LIN9: variants seen among roughly 807,000 people sequenced by gnomAD.
LIN9 encodes lin-9 DREAM MuvB core complex component.
In LIN9, 18 loss-of-function variants were observed where a neutral mutation model predicts 78.0. The ratio of observed to expected loss-of-function variants is 0.23; its 90% CI spans 0.16 to 0.34. The LOEUF (loss-of-function observed/expected upper bound fraction) is 0.34. Among genes scored for constraint, LIN9 ranks in the 10% least tolerant of loss-of-function variants. LIN9 has a pLI of 1.00. For synonymous variants in LIN9, 192 were observed against 215.2 expected, an observed-to-expected ratio of 0.89 and a Z score of 0.94; for missense variants, 451 against 644.1, an observed-to-expected ratio of 0.70 and a Z score of 3.25.
rs371117360 is a variant in LIN9 at position 226,255,744 on chromosome 1, CT to C, written c.1039-4826del. Among the ~76,000 whole-genome samples, 4 of 151,772 alleles carry C rather than the reference CT, an allele frequency of 2.6e-5. No homozygotes were observed. In the South Asian group the frequency reaches 6.2e-4, roughly 24 times the overall value. Reference sequence around the variant, plus strand: ...GCTTGAGGATATATTATTTATTTTTCTTTTTTTTCTTCCACAACAGTTATCT... The same window carrying C: ...GCTTGAGGATATATTATTTATTTTTCTTTTTTTCTTCCACAACAGTTATCT... On this transcript the variant is annotated intron_variant, in intron 10 of 14. Transcript: ENST00000681046.
At chr1:226,301,149 A>G in intron 2 of LIN9, 24 bp downstream of exon 2, 1 of 1,573,200 alleles carries the variant, frequency 6.4e-7, no homozygotes. Context: ...GCTATGGTAT[A>G]CCTAAAAATG....
chr1:226,309,119 C>G lies in LIN9; in HGVS notation c.21G>C (p.Leu7Phe), dbSNP rs200253990. Residue 7 changes from leucine to phenylalanine, a missense_variant, in exon 1 of 15, where the codon TTG becomes TTC. Transcript: ENST00000681046. ...TGAGGTGCTACTCACTCTCGTCAGG[C>G]AACTGGTCGAGCTCCGCCATCTTGA... MAELDQ[L>F]PDESSSAKAL... The G allele has an allele frequency of 3.0e-6, 4 of 1,340,218 alleles. No individual in the cohort carries two copies. The highest frequency in any genetic ancestry group is 2.9e-6 in the Non-Finnish European group (3 of 1,033,346). 83.0% of individuals were successfully genotyped at this position (1,340,218 alleles called of 1,614,324 possible). A position where few individuals can be genotyped will look rare whatever the true frequency, so the allele number is the denominator to read the frequency against.
rs929383767 is a variant in LIN9 at position 226,297,362 on chromosome 1, CT to C, written c.159+356del. On this transcript the variant is annotated intron_variant, in intron 3 of 14. Coordinates refer to ENST00000681046, the MANE Select transcript of LIN9 (RefSeq NM_001366245.2). ...TTACCTTTGAGCTACACAATGATTT[CT>C]TTTTTTTTCTTTTTGTCTATACAAG... Among the ~76,000 whole-genome samples the C allele has an allele frequency of 6.8e-4, 103 of 151,538 alleles. 1 individual carries two copies. The highest frequency in any genetic ancestry group is 8.3e-4 in the South Asian group (4 of 4,800).
intron 2 of LIN9, among the ~76,000 whole-genome samples, chr1:226,300,855 AAAAC>A (rs369181992): frequency 2.0e-5 from 3 of 152,166 alleles, no homozygotes; most frequent in Non-Finnish European, 2.9e-5. Context: ...GACTGTCTCA[AAAAC>A]AAACAAACAA....
chr1:226,252,485 G>A (rs1438135618), intron 10 of LIN9, among the ~76,000 whole-genome samples: 4 of 151,872 alleles, frequency 2.6e-5, no homozygotes, highest in Admixed American at 2.6e-4. Flanking sequence ...ATCCCACAAG[G>A]ATTTAGTCAA....
intron 6 of LIN9, among the ~76,000 whole-genome samples, chr1:226,279,155 C>T (rs529626050): frequency 4.0e-5 from 6 of 151,006 alleles, no homozygotes; most frequent in East Asian, 2.0e-4. Context: ...AGCGAGACTC[C>T]GTCTTGGGGG....
intron 12 of LIN9, among the ~76,000 whole-genome samples, chr1:226,237,997 T>G (rs1657844295): frequency 6.6e-6 from 1 of 151,984 alleles, no homozygotes; most frequent in Admixed American, 6.6e-5. Flanking sequence ...AGAGGTGGCT[T>G]TCCTGGAAAC....
At chr1:226,269,869 T>C (rs180761711) in intron 7 of LIN9, among the ~76,000 whole-genome samples, 1,796 of 152,290 alleles carry the variant, frequency 0.012, 18 homozygotes, top group Non-Finnish European at 0.018. Context: ...GTGAGGCTTT[T>C]CCCGATCAAG....
chr1:226,304,872 A>G (rs920012650), intron 1 of LIN9, among the ~76,000 whole-genome samples: 3 of 152,194 alleles, frequency 2.0e-5, no homozygotes, highest in Non-Finnish European at 4.4e-5. Flanking sequence ...AGCTGCCACT[A>G]GGAAGTTACA....
In LIN9 at chr1:226,232,283, G is replaced by A; in HGVS notation, c.*218C>T. ...GTGAATATAAACATATGTAACATAA[G>A]CAATGCTACTGCATCTGAATAATAA... is the stretch of plus-strand genomic sequence containing the variant. On this transcript the variant is annotated 3_prime_UTR_variant, in exon 15 of 15. Transcript: ENST00000681046. 2.5e-6 allele frequency: 1 copy of A among 407,856 alleles called. No homozygotes were observed. The allele number at this position is 407,856 out of a possible 1,614,324, so 25.3% of individuals were successfully genotyped here. A position where few individuals can be genotyped will look rare whatever the true frequency, so the allele number is the denominator to read the frequency against.
intron 7 of LIN9, among the ~76,000 whole-genome samples, chr1:226,274,439 A>G (rs1259413931): frequency 2.0e-5 from 3 of 151,978 alleles, no homozygotes; most frequent in Non-Finnish European, 2.9e-5. Flanking sequence ...GATTTTCTGT[A>G]TTGTGTCTAA....
chr1:226,259,465 T>C (rs1439045437), intron 10 of LIN9, among the ~76,000 whole-genome samples: 1 of 152,268 alleles, frequency 6.6e-6, no homozygotes, highest in South Asian at 2.1e-4. Context: ...TTGGTATCTA[T>C]AGACTACTTC....
rs539393897 is a variant in LIN9, at chr1:226,240,662, T to A, written c.1120-1566A>T. On this transcript the variant is annotated intron_variant, in intron 11 of 14. Coordinates refer to ENST00000681046, the MANE Select transcript of LIN9 (RefSeq NM_001366245.2). ...CCTTGGCCTCCCTAAGTGCTGGGATTACAGGTGTGAGCCACCGCGCCTGGC... is the reference window on the plus strand; with the variant it reads ...CCTTGGCCTCCCTAAGTGCTGGGATAACAGGTGTGAGCCACCGCGCCTGGC... Among the ~76,000 whole-genome samples, 4 of 152,192 alleles carry A rather than the reference T, an allele frequency of 2.6e-5. No individual in the cohort carries two copies. In the South Asian group the frequency reaches 8.3e-4, roughly 32 times the overall value.
At chr1:226,301,662 T>C (rs1442876453) in intron 1 of LIN9, among the ~76,000 whole-genome samples, 1 of 152,182 alleles carries the variant, frequency 6.6e-6, no homozygotes, top group East Asian at 1.9e-4. Flanking sequence ...CTTGAAAGTC[T>C]AGAATGCAGG....
intron 3 of LIN9, among the ~76,000 whole-genome samples, chr1:226,296,772 G>A (rs1031183718): frequency 1.1e-4 from 16 of 151,980 alleles, no homozygotes; most frequent in Non-Finnish European, 1.0e-4. Flanking sequence ...TATAATCCCA[G>A]CACTTTGGAA....
At chr1:226,234,829 T>G (rs1657578666) in intron 12 of LIN9, among the ~76,000 whole-genome samples, 1 of 152,112 alleles carries the variant, frequency 6.6e-6, no homozygotes, top group Non-Finnish European at 1.5e-5. Flanking sequence ...GGGTTCACTC[T>G]AGTCTTCCCC....
chr1:226,242,268 G>A (rs1658163687), intron 11 of LIN9, among the ~76,000 whole-genome samples: 1 of 152,186 alleles, frequency 6.6e-6, no homozygotes, highest in Admixed American at 6.5e-5. Flanking sequence ...GTATATGTAT[G>A]CCTGGCACAT....
At chr1:226,246,218 T>C (rs907453473) in intron 11 of LIN9, among the ~76,000 whole-genome samples, 1 of 152,222 alleles carries the variant, frequency 6.6e-6, no homozygotes, top group Non-Finnish European at 1.5e-5. Context: ...GTAGGTATTC[T>C]GGTAAGAAAG....
intron 10 of LIN9, among the ~76,000 whole-genome samples, chr1:226,251,229 AT>A (rs398050141): frequency 1.5e-3 from 194 of 132,366 alleles, no homozygotes; most frequent in East Asian, 1.9e-3. Context: ...AATTTTTGTA[AT>A]TTTTTTTTTT....
Sources: gnomAD v4.1 joint callset for allele counts (sites outside exome capture counted in the v4.1 genomes callset) on GRCh38, gnomAD v4.1.1 for gene constraint, MANE v1.5 for transcripts, NCBI Gene and HGNC (gene_info 2026-07-23, HGNC 2026-07-21) for gene names.